The following INPP4A variants were observed in gnomAD, a reference collection of about 807,000 sequenced individuals.
INPP4A encodes inositol polyphosphate-4-phosphatase type I A.
A neutral mutation model predicts 119.8 loss-of-function variants in INPP4A; 33 were observed. The observed-to-expected ratio is 0.28, with a 90% CI of 0.21 to 0.37. INPP4A has a LOEUF of 0.37. Among genes scored for constraint, INPP4A ranks in the 10% least tolerant of loss-of-function variants. The pLI, the probability that INPP4A is intolerant of heterozygous loss-of-function variation, is 1.00. For synonymous variants in INPP4A, 496 were observed against 500.7 expected, an observed-to-expected ratio of 0.99 and a Z score of 0.12; for missense variants, 956 against 1,289.9, an observed-to-expected ratio of 0.74 and a Z score of 3.97.
At position 98,566,004 on chromosome 2, in the gene INPP4A, T is replaced by C; in HGVS notation, c.2280-25T>C. 6.3e-7 allele frequency: 1 copy of C among 1,598,078 alleles called. No homozygotes were observed. Among genetic ancestry groups the C allele is most frequent in the South Asian group, 1.1e-5 (1 of 89,112 alleles). ...CGGTGGCCCTCTGGCCTCACACTGC[T>C]CTCCCTCTCTCCACCTTTCTCCAGC... On this transcript the variant is annotated intron_variant, in intron 20 of 24. Transcript: ENST00000409851. This position sits in a 1 kb window ranked among gnomAD's most constrained non-coding sequence, Gnocchi z 4.2.
At position 98,570,015 on chromosome 2, in the gene INPP4A, C is replaced by T. The variant is rs1005677289; in HGVS notation, c.2518+1347C>T. ...TTTGGGCTGAGGATGCACTCCTCAG[C>T]GGCCACGTGCAGCTGGCGCTGGGGA... On this transcript the variant is annotated intron_variant, in intron 22 of 24. Coordinates refer to ENST00000409851, the MANE Select transcript of INPP4A (RefSeq NM_001134225.2). This position sits in a 1 kb window ranked among gnomAD's most constrained non-coding sequence, Gnocchi z 4.3. Among the ~76,000 whole-genome samples the T allele has an allele frequency of 2.6e-5, 4 of 152,090 alleles. No individual in the cohort carries two copies. Among genetic ancestry groups the T allele is most frequent in the African/African-American group, 9.7e-5 (4 of 41,418 alleles).
At chr2:98,464,845 G>A (rs1674414427) in intron 1 of INPP4A, among the ~76,000 whole-genome samples, 1 of 152,218 alleles carries the variant, frequency 6.6e-6, no homozygotes, top group Non-Finnish European at 1.5e-5. Flanking sequence ...AGAGTCCTTG[G>A]ACAACCTTGG....
At chr2:98,488,416 G>T (rs1436780686) in intron 1 of INPP4A, among the ~76,000 whole-genome samples, 2 of 152,170 alleles carry the variant, frequency 1.3e-5, no homozygotes, top group Non-Finnish European at 2.9e-5. Flanking sequence ...CTCTCCATTT[G>T]CCAGTTCTGT....
At chr2:98,510,205 T>C (rs1432082789) in intron 1 of INPP4A, among the ~76,000 whole-genome samples, 1 of 151,694 alleles carries the variant, frequency 6.6e-6, no homozygotes, top group Admixed American at 6.6e-5. Flanking sequence ...GCTAATAGAG[T>C]TGTCAATGGA....
intron 1 of INPP4A, among the ~76,000 whole-genome samples, chr2:98,462,434 GGAGA>G (rs1673764559): frequency 6.6e-6 from 1 of 152,048 alleles, no homozygotes; most frequent in Non-Finnish European, 1.5e-5. Context: ...GGCAACAGAT[GGAGA>G]CTCTGTCTCA....
chr2:98,484,676 G>A (rs1679183153), intron 1 of INPP4A, among the ~76,000 whole-genome samples: 1 of 152,140 alleles, frequency 6.6e-6, no homozygotes, highest in Non-Finnish European at 1.5e-5. Context: ...AAAGCATGAT[G>A]TGTCCATCTC....
At chr2:98,500,200 T>A (rs1468411065) in intron 1 of INPP4A, among the ~76,000 whole-genome samples, 4 of 152,192 alleles carry the variant, frequency 2.6e-5, no homozygotes, top group Non-Finnish European at 5.9e-5. Context: ...GCTTTCTTAC[T>A]TGAGATTGCA....
chr2:98,454,223 G>C (rs1695701826), intron 1 of INPP4A, among the ~76,000 whole-genome samples: 1 of 152,242 alleles, frequency 6.6e-6, no homozygotes, highest in South Asian at 2.1e-4. Context: ...CCCAGTGAAA[G>C]CATTGCTGCT....
chr2:98,473,692 T>A (rs1200545326), intron 1 of INPP4A, among the ~76,000 whole-genome samples: 1 of 151,846 alleles, frequency 6.6e-6, no homozygotes, highest in African/African-American at 2.4e-5. Flanking sequence ...ACCTCTGGAG[T>A]CTTGGTGGGT....
At chr2:98,573,938 C>T (rs1292246345) in intron 23 of INPP4A, among the ~76,000 whole-genome samples, 1 of 152,188 alleles carries the variant, frequency 6.6e-6, no homozygotes, top group East Asian at 1.9e-4. Flanking sequence ...TTTTGAGTTC[C>T]TCAGCTGGTC....
At chr2:98,446,073 G>A (rs1694131833) in intron 1 of INPP4A, among the ~76,000 whole-genome samples, 1 of 152,230 alleles carries the variant, frequency 6.6e-6, no homozygotes, top group Non-Finnish European at 1.5e-5. Flanking sequence ...AAGCCAGTGG[G>A]GTTGAGGACA....
At chr2:98,517,190 C>T (rs543967043) in intron 1 of INPP4A, among the ~76,000 whole-genome samples, 1 of 152,290 alleles carries the variant, frequency 6.6e-6, no homozygotes, top group African/African-American at 2.4e-5. Flanking sequence ...ATGGATTTGC[C>T]TAGAATGGTC....
chr2:98,458,671 A>G lies in INPP4A; in HGVS notation c.-166+13586A>G, dbSNP rs948249637. Among the ~76,000 whole-genome samples, 3 of 152,032 alleles carry G rather than the reference A, an allele frequency of 2.0e-5. No individual in the cohort carries two copies. The East Asian group carries it at 5.8e-4, about 29-fold the overall frequency. ...GGGCTTGCTTTCCCATTCTGCTGGTATCCTGGGTGAGACTCTGGCCCAATG... is the reference window on the plus strand; with the variant it reads ...GGGCTTGCTTTCCCATTCTGCTGGTGTCCTGGGTGAGACTCTGGCCCAATG... On this transcript the variant is annotated intron_variant, in intron 1 of 24. Coordinates refer to ENST00000409851, the MANE Select transcript of INPP4A (RefSeq NM_001134225.2).
At chr2:98,456,029 G>T (rs1696086188) in intron 1 of INPP4A, among the ~76,000 whole-genome samples, 1 of 152,126 alleles carries the variant, frequency 6.6e-6, no homozygotes, top group Non-Finnish European at 1.5e-5. Context: ...CAGCATTTTT[G>T]TAAGTCCAGC....
At chr2:98,540,413 C>T (rs959852610) in intron 10 of INPP4A, among the ~76,000 whole-genome samples, 2 of 152,230 alleles carry the variant, frequency 1.3e-5, no homozygotes, top group African/African-American at 2.4e-5. Context: ...AACCCTTCTG[C>T]ATCTCTCAAC....
At chr2:98,459,101 G>A (rs1696671189) in intron 1 of INPP4A, among the ~76,000 whole-genome samples, 1 of 152,248 alleles carries the variant, frequency 6.6e-6, no homozygotes, top group Non-Finnish European at 1.5e-5. Context: ...CTCAGGCAGA[G>A]CTTTGTCCTT....
chr2:98,572,261 A>C (rs1181288423), intron 22 of INPP4A, among the ~76,000 whole-genome samples: 1 of 152,180 alleles, frequency 6.6e-6, no homozygotes, highest in Non-Finnish European at 1.5e-5. Context: ...GGGTCCTGGA[A>C]GGGCCTAGAG....
At chr2:98,452,161 C>T (rs1047678242) in intron 1 of INPP4A, among the ~76,000 whole-genome samples, 1 of 152,206 alleles carries the variant, frequency 6.6e-6, no homozygotes, top group African/African-American at 2.4e-5. Context: ...ATTCCCCAGC[C>T]ACAGTGTCTA....
At chr2:98,482,621 A>G (rs1397746076) in intron 1 of INPP4A, among the ~76,000 whole-genome samples, 1 of 152,228 alleles carries the variant, frequency 6.6e-6, no homozygotes, top group African/African-American at 2.4e-5. Context: ...TGGGCCTGTC[A>G]CAGGGAGGCC....
Sources: gnomAD v4.1 joint callset for allele counts (sites outside exome capture counted in the v4.1 genomes callset) on GRCh38, gnomAD v4.1.1 for gene constraint, Gnocchi (gnomAD v3.1) non-coding constraint, MANE v1.5 for transcripts, NCBI Gene and HGNC (gene_info 2026-07-23, HGNC 2026-07-21) for gene names.